DENND2B: variants seen among roughly 807,000 people sequenced by gnomAD.
DENND2B encodes the protein DENN domain containing 2B, also known as DENN domain-containing protein 2B.
Under a neutral mutation model 116.0 loss-of-function variants are expected in DENND2B, and 32 were observed. The ratio of observed to expected loss-of-function variants is 0.28; its 90% CI spans 0.21 to 0.37. DENND2B has a LOEUF of 0.37. DENND2B is among the 10% of genes least tolerant of loss of function. The pLI, the probability that DENND2B is intolerant of heterozygous loss-of-function variation, is 1.00. For missense variants in DENND2B, 1,276 were observed against 1,477.7 expected (o/e 0.86, Z 2.24); for synonymous variants, 588 against 583.9 (o/e 1.01, Z -0.10).
intron 1 of DENND2B, among the ~76,000 whole-genome samples, chr11:8,899,724 A>G (rs1464218459): frequency 6.6e-6 from 1 of 152,248 alleles, no homozygotes; most frequent in Non-Finnish European, 1.5e-5. Flanking sequence ...GGCTGATGGA[A>G]AGTGATTTTA....
intron 3 of DENND2B, among the ~76,000 whole-genome samples, chr11:8,849,506 A>C (rs2062930644): frequency 6.6e-6 from 1 of 150,892 alleles, no homozygotes; most frequent in African/African-American, 2.4e-5. Context: ...AAAAAAAAAA[A>C]AAAAAAACAG....
intron 1 of DENND2B, among the ~76,000 whole-genome samples, chr11:8,800,611 C>T (rs536674429): frequency 6.6e-6 from 1 of 152,314 alleles, no homozygotes; most frequent in African/African-American, 2.4e-5. Context: ...CTTAGGAACT[C>T]CCTATTCTGC....
At chr11:8,758,759 G>C (rs1241496949) in intron 1 of DENND2B, among the ~76,000 whole-genome samples, 1 of 152,164 alleles carries the variant, frequency 6.6e-6, no homozygotes, top group Non-Finnish European at 1.5e-5. Flanking sequence ...CTCCACCGCA[G>C]CGCTGTGCCT....
intron 2 of DENND2B, among the ~76,000 whole-genome samples, chr11:8,880,540 G>A (rs1367074935): frequency 6.6e-6 from 1 of 152,118 alleles, no homozygotes; most frequent in Non-Finnish European, 1.5e-5. Flanking sequence ...AAGATAAAGT[G>A]ATCTCCAATA....
At chr11:8,881,838 C>A (rs1367098730) in intron 1 of DENND2B, among the ~76,000 whole-genome samples, 1 of 152,220 alleles carries the variant, frequency 6.6e-6, no homozygotes, top group Non-Finnish European at 1.5e-5. Flanking sequence ...AGCCAGCATG[C>A]CCGGCCAGTC....
intron 1 of DENND2B, among the ~76,000 whole-genome samples, chr11:8,798,603 C>T (rs1200768221): frequency 1.3e-5 from 2 of 152,018 alleles, no homozygotes; most frequent in Non-Finnish European, 2.9e-5. Context: ...AGACATCTGG[C>T]CTTCGGTGTT....
At chr11:8,739,499 A>T (rs1389113067) in intron 2 of DENND2B, among the ~76,000 whole-genome samples, 2 of 152,248 alleles carry the variant, frequency 1.3e-5, no homozygotes, top group African/African-American at 4.8e-5. Flanking sequence ...ATAAAGGTAA[A>T]ATAAATAATT....
chr11:8,721,412 G>A lies in DENND2B; in HGVS notation c.1478-3520C>T, dbSNP rs533860262. 7.9e-5 allele frequency among the ~76,000 whole-genome samples: 12 copies of A among 152,270 alleles called. No homozygotes were observed. The East Asian group carries it at 2.1e-3, about 27-fold the overall frequency. The stretch of plus-strand genomic sequence containing the variant: ...AGTTAGGAAAGGGGTGTGTGTATAC[G>A]CACAGGCACTGAGAATTTCTCCAAA... On this transcript the variant is annotated intron_variant, in intron 4 of 19. Transcript: ENST00000313726.
chr11:8,718,353 A>C, intron 4 of DENND2B: 1 of 1,534,960 alleles, frequency 6.5e-7, no homozygotes, highest in Non-Finnish European at 8.7e-7. Flanking sequence ...CTCCCTGGGG[A>C]CCTACTTTGG....
chr11:8,774,183 T>A, intron 1 of DENND2B: 6 of 985,482 alleles, frequency 6.1e-6, no homozygotes, highest in African/African-American at 1.7e-5. Flanking sequence ...AGCCTTCACG[T>A]TGGGTTCTTG....
chr11:8,870,862 G>A (rs2063760086), intron 2 of DENND2B: 1 of 152,280 alleles, frequency 6.6e-6, no homozygotes, highest in African/African-American at 2.4e-5. Context: ...CCGGGGCCGG[G>A]AGTCGGGAGC....
intron 4 of DENND2B, among the ~76,000 whole-genome samples, chr11:8,834,050 G>A (rs1165274981): frequency 6.6e-6 from 1 of 152,104 alleles, no homozygotes; most frequent in East Asian, 1.9e-4. Flanking sequence ...AGCATCCCTG[G>A]GCACCACAGA....
intron 17 of DENND2B, among the ~76,000 whole-genome samples, 178 bp from the exon 18 acceptor site, chr11:8,696,844 C>T (rs773924124): frequency 6.6e-6 from 1 of 152,300 alleles, no homozygotes; most frequent in Non-Finnish European, 1.5e-5. Flanking sequence ...AGTGCAATGG[C>T]GCCATCTCAG....
At chr11:8,866,153 G>GT (rs2063571818) in intron 2 of DENND2B, among the ~76,000 whole-genome samples, 1 of 152,040 alleles carries the variant, frequency 6.6e-6, no homozygotes, top group Non-Finnish European at 1.5e-5. Context: ...TAGAGACGGG[G>GT]TTTCACCGTG....
intron 4 of DENND2B, among the ~76,000 whole-genome samples, chr11:8,834,052 C>T (rs756893379): frequency 6.6e-6 from 1 of 152,154 alleles, no homozygotes. Context: ...CATCCCTGGG[C>T]ACCACAGAAA....
intron 3 of DENND2B, 30 bp downstream of exon 3, chr11:8,729,920 G>A (rs1379236671): frequency 6.2e-7 from 1 of 1,608,676 alleles, no homozygotes; most frequent in Admixed American, 1.7e-5. Context: ...ACGGTATTCA[G>A]CTACAACACA....
chr11:8,741,534 G>A (rs962733122), intron 2 of DENND2B, among the ~76,000 whole-genome samples: 4 of 152,212 alleles, frequency 2.6e-5, no homozygotes, highest in African/African-American at 9.6e-5. Context: ...AGGAAACCAT[G>A]CCAATGGCAC....
At chr11:8,882,792 A>C in intron 1 of DENND2B, among the ~76,000 whole-genome samples, 1 of 152,084 alleles carries the variant, frequency 6.6e-6, no homozygotes, top group Non-Finnish European at 1.5e-5. Context: ...GTTGGAGATC[A>C]GCCTAGGCAA....
At chr11:8,878,450 C>T (rs1028732273) in intron 2 of DENND2B, among the ~76,000 whole-genome samples, 7 of 150,542 alleles carry the variant, frequency 4.6e-5, no homozygotes, top group African/African-American at 1.7e-4. Flanking sequence ...AGTGCAATGG[C>T]GCGATCTCAG....
Sources: gnomAD v4.1 joint callset for allele counts (sites outside exome capture counted in the v4.1 genomes callset) on GRCh38, gnomAD v4.1.1 for gene constraint, MANE v1.5 for transcripts, NCBI Gene and HGNC (gene_info 2026-07-23, HGNC 2026-07-21) for gene names.